Variants in VWA8 observed in about 807,000 individuals in gnomAD.
VWA8 encodes the protein von Willebrand factor A domain containing 8.
In VWA8, 221 loss-of-function variants were observed where a neutral mutation model predicts 241.5. The observed-to-expected ratio is 0.91, with a 90% confidence interval of 0.82 to 1.02. The LOEUF (loss-of-function observed/expected upper bound fraction) is 1.02, where lower values mean the gene tolerates loss of function less well. Ranked by LOEUF, VWA8 falls within the 50% of genes least tolerant of loss-of-function variation. VWA8 has a pLI of 0.00. For synonymous variants in VWA8, 852 were observed against 827.1 expected, an observed-to-expected ratio of 1.03 and a Z score of -0.52; for missense variants, 2,322 against 2,328.7, an observed-to-expected ratio of 1.00 and a Z score of 0.06.
At chr13:41,882,513 C>T (rs1436136836) in intron 9 of VWA8, among the ~76,000 whole-genome samples, 1 of 152,260 alleles carries the variant, frequency 6.6e-6, no homozygotes, top group Non-Finnish European at 1.5e-5. Context: ...GCCTGGGCAC[C>T]ATTGAGCACT....
intron 10 of VWA8, among the ~76,000 whole-genome samples, chr13:41,866,258 A>C (rs1272567429): frequency 2.0e-5 from 3 of 152,042 alleles, no homozygotes; most frequent in Non-Finnish European, 2.9e-5. Context: ...CTGAGGTAGG[A>C]GAATCGCTTG....
chr13:41,729,881 A>G (rs904231855), intron 22 of VWA8, among the ~76,000 whole-genome samples: 5 of 151,624 alleles, frequency 3.3e-5, no homozygotes, highest in Non-Finnish European at 7.4e-5. Context: ...TGGGATTTCT[A>G]CCAAAAGCTT....
intron 4 of VWA8, among the ~76,000 whole-genome samples, chr13:41,895,599 A>G (rs1168565190): frequency 6.6e-6 from 1 of 152,134 alleles, no homozygotes; most frequent in African/African-American, 2.4e-5. Context: ...TTGTTTTTCA[A>G]ATCATCATCA....
intron 21 of VWA8, among the ~76,000 whole-genome samples, chr13:41,741,000 C>T (rs2045565572): frequency 6.6e-6 from 1 of 152,190 alleles, no homozygotes; most frequent in South Asian, 2.1e-4. Flanking sequence ...CGAGGCTCTG[C>T]CTGATCAACC....
At chr13:41,848,642 A>T (rs1872392413) in intron 12 of VWA8, among the ~76,000 whole-genome samples, 1 of 152,130 alleles carries the variant, frequency 6.6e-6, no homozygotes. Flanking sequence ...TTCTGCCATG[A>T]TTGTAAGTTT....
intron 4 of VWA8, 107 bp downstream of exon 4, chr13:41,907,479 T>C: frequency 1.1e-6 from 1 of 925,666 alleles, no homozygotes; most frequent in Non-Finnish European, 1.7e-6. Flanking sequence ...GAGAGCACAA[T>C]ACAACTACCT....
At chr13:41,777,954 C>T (rs762308247) in intron 20 of VWA8, 31 bp downstream of exon 20, 3 of 1,552,428 alleles carry the variant, frequency 1.9e-6, no homozygotes, top group Admixed American at 3.8e-5. Flanking sequence ...ATCATTTTTT[C>T]ATTGGTACCT....
intron 42 of VWA8, among the ~76,000 whole-genome samples, chr13:41,581,958 G>A (rs966207134): frequency 3.5e-4 from 53 of 152,086 alleles, no homozygotes; most frequent in Non-Finnish European, 5.3e-4. Flanking sequence ...AAAAGACAAC[G>A]GTTCACAAAA....
At position 41,729,674 on chromosome 13, in the gene VWA8, T is replaced by TA. The variant is rs1301843357; in HGVS notation, c.2505dup (p.Lys836Ter). The TA allele has an allele frequency of 6.2e-7, 1 of 1,605,598 alleles. No individual in the cohort carries two copies. The highest frequency in any genetic ancestry group is 2.2e-5 in the East Asian group (1 of 44,782). ...AGAATATGACCCAACTTTACTGCTTTAACCTTTGACGACAGAAAATTTATC... is the reference window on the plus strand; with the variant it reads ...AGAATATGACCCAACTTTACTGCTTTAAACCTTTGACGACAGAAAATTTATC... On this transcript the variant is annotated frameshift_variant, in exon 23 of 45. Coordinates refer to ENST00000379310, the MANE Select transcript of VWA8 (RefSeq NM_015058.2). LOFTEE classifies it high-confidence loss of function.
At chr13:41,890,041 T>C (rs12855616) in intron 5 of VWA8, among the ~76,000 whole-genome samples, 28,882 of 152,238 alleles carry the variant, frequency 0.19, 3,513 homozygotes, top group East Asian at 0.37. Flanking sequence ...GATTATCTCC[T>C]TCTGATTATA....
chr13:41,577,048 T>C (rs1451977278), intron 42 of VWA8, among the ~76,000 whole-genome samples: 1 of 152,236 alleles, frequency 6.6e-6, no homozygotes. Context: ...CCTAGGAAGA[T>C]GGACTTAGGA....
intron 21 of VWA8, among the ~76,000 whole-genome samples, chr13:41,758,229 T>C (rs11840591): frequency 0.033 from 4,987 of 150,938 alleles, 274 homozygotes; most frequent in African/African-American, 0.11. Flanking sequence ...TAATGGTGTC[T>C]ATTGACCTTG....
intron 2 of VWA8, among the ~76,000 whole-genome samples, chr13:41,918,230 T>C (rs1876351061): frequency 6.6e-6 from 1 of 152,226 alleles, no homozygotes; most frequent in Non-Finnish European, 1.5e-5. Flanking sequence ...GTAGCTTATA[T>C]AAAGCCAATC....
At chr13:41,677,810 CT>C (rs1479680739) in intron 35 of VWA8, among the ~76,000 whole-genome samples, 1 of 152,110 alleles carries the variant, frequency 6.6e-6, no homozygotes, top group Non-Finnish European at 1.5e-5. Flanking sequence ...ATCCATCCAT[CT>C]TTTATTACAA....
intron 39 of VWA8, among the ~76,000 whole-genome samples, chr13:41,609,645 C>A (rs2044574691): frequency 6.6e-6 from 1 of 152,102 alleles, no homozygotes; most frequent in Non-Finnish European, 1.5e-5. Context: ...GGATGAAAGT[C>A]CCATTTCTAC....
chr13:41,889,211 T>C (rs1000926735), intron 5 of VWA8, among the ~76,000 whole-genome samples: 1 of 152,206 alleles, frequency 6.6e-6, no homozygotes, highest in Admixed American at 6.5e-5. Flanking sequence ...GATAGTGCTT[T>C]GTGAAGGGAT....
intron 2 of VWA8, among the ~76,000 whole-genome samples, chr13:41,920,804 A>C (rs1188955254): frequency 6.6e-6 from 1 of 152,200 alleles, no homozygotes; most frequent in Non-Finnish European, 1.5e-5. Flanking sequence ...TAGGCTACCA[A>C]CCAAAAAAAG....
Position 41,727,380 on chromosome 13 carries a change from C to G in VWA8, c.2639-67G>C, listed in dbSNP as rs2045445435. 3.6e-6 allele frequency: 4 copies of G among 1,118,330 alleles called. No individual in the cohort carries two copies. The South Asian group carries it at 6.9e-5, about 19-fold the overall frequency. The allele number at this position is 1,118,330 out of a possible 1,614,324, so 69.3% of individuals were successfully genotyped here. ...ATTCTTAAAAATATCAAGCAACAATCTTTTAGATAACATAAATAGTTATAC... is the reference window on the plus strand; with the variant it reads ...ATTCTTAAAAATATCAAGCAACAATGTTTTAGATAACATAAATAGTTATAC... On this transcript the variant is annotated intron_variant, in intron 23 of 44. Transcript: ENST00000379310.
chr13:41,747,203 C>G (rs2137886555), intron 21 of VWA8, among the ~76,000 whole-genome samples: 1 of 152,280 alleles, frequency 6.6e-6, no homozygotes, highest in Non-Finnish European at 1.5e-5. Flanking sequence ...TGGCCATTTT[C>G]ACAATATTGA....
Sources: gnomAD v4.1 joint callset for allele counts (sites outside exome capture counted in the v4.1 genomes callset) on GRCh38, gnomAD v4.1.1 for gene constraint, MANE v1.5 for transcripts, NCBI Gene and HGNC (gene_info 2026-07-23, HGNC 2026-07-21) for gene names.